Variants in ATXN7L3B observed in about 807,000 individuals in gnomAD.
ATXN7L3B encodes the protein ataxin 7 like 3B, also known as ataxin-7-like protein 3B.
ATXN7L3B carries 4 observed loss-of-function variants against 6.3 expected under a neutral mutation model. The observed-to-expected ratio is 0.63, with a 90% confidence interval of 0.31 to 1.45. The LOEUF (loss-of-function observed/expected upper bound fraction) is 1.45, where lower values mean the gene tolerates loss of function less well. Ranked by LOEUF, ATXN7L3B falls within the 40% of genes most tolerant of loss-of-function variation. The pLI, the probability that ATXN7L3B is intolerant of heterozygous loss-of-function variation, is 0.07. For missense variants in ATXN7L3B, 120 were observed against 118.5 expected (o/e 1.01, Z -0.06); for synonymous variants, 63 against 48.0 (o/e 1.31, Z -1.29).
Position 74,545,004 on chromosome 12 carries a change from A to G in ATXN7L3B, c.*6598A>G, listed in dbSNP as rs1331030583. ...GTTCAAAGAAATGCAAACTAAAAAC[A>G]AAATACCAATTTACCCTACTCAGTA... On this transcript the variant is annotated 3_prime_UTR_variant, in exon 1 of 1. Transcript: ENST00000519948. 1 of 152,100 alleles carries G rather than the reference A, an allele frequency of 6.6e-6. No individual in the cohort carries two copies. The highest frequency in any genetic ancestry group is 1.5e-5 in the Non-Finnish European group (1 of 67,922). 9.4% of individuals were successfully genotyped at this position (152,100 alleles called of 1,614,324 possible). A position where few individuals can be genotyped will look rare whatever the true frequency, so the allele number is the denominator to read the frequency against.
Position 74,543,834 on chromosome 12 carries a change from G to T in ATXN7L3B, c.*5428G>T, listed in dbSNP as rs1868956567. On this transcript the variant is annotated 3_prime_UTR_variant, in exon 1 of 1. Coordinates refer to ENST00000519948, the MANE Select transcript of ATXN7L3B (RefSeq NM_001136262.2). ...TAACAATATAGAAACCAAAGCTCAA[G>T]AACTTGTACACACTGCAAAAGGGTA... 2 of 151,806 alleles carry T rather than the reference G, an allele frequency of 1.3e-5. No individual in the cohort carries two copies. Among genetic ancestry groups the T allele is most frequent in the Non-Finnish European group, 2.9e-5 (2 of 67,812 alleles). 9.4% of individuals were successfully genotyped at this position (151,806 alleles called of 1,614,324 possible).
chr12:74,541,090 T>G lies in ATXN7L3B; in HGVS notation c.*2684T>G, dbSNP rs1295820195. On this transcript the variant is annotated 3_prime_UTR_variant, in exon 1 of 1. Transcript: ENST00000519948. ...GCAGAATTCCTATTTTTCCCTTGAT[T>G]ATGTGTATTGATCACCCTGCAATCC... 2 of 166,816 alleles carry G rather than the reference T, an allele frequency of 1.2e-5. No individual in the cohort carries two copies. The highest frequency in any genetic ancestry group is 4.8e-5 in the African/African-American group (2 of 41,306). The allele number at this position is 166,816 out of a possible 1,614,324, so 10.3% of individuals were successfully genotyped here.
rs1268751499 is a variant in ATXN7L3B, at chr12:74,539,160, G to A, written c.*754G>A. Reference sequence around the variant, plus strand: ...CAACTTGGTTGTCCAGACAGGTTGAGGATTCGGTTATGATCCCCTGGGGAG... The same window carrying A: ...CAACTTGGTTGTCCAGACAGGTTGAAGATTCGGTTATGATCCCCTGGGGAG... On this transcript the variant is annotated 3_prime_UTR_variant, in exon 1 of 1. Transcript: ENST00000519948. The A allele has an allele frequency of 6.0e-6, 1 of 167,186 alleles. No individual in the cohort carries two copies. Among genetic ancestry groups the A allele is most frequent in the African/African-American group, 2.4e-5 (1 of 41,460 alleles). 10.4% of individuals were successfully genotyped at this position (167,186 alleles called of 1,614,324 possible).
Position 74,541,460 on chromosome 12 carries a change from G to A in ATXN7L3B, c.*3054G>A, listed in dbSNP as rs76361407. 459 of 166,544 alleles carry A rather than the reference G, an allele frequency of 2.8e-3. 1 individual carries two copies. The highest frequency in any genetic ancestry group is 4.5e-3 in the Non-Finnish European group (306 of 68,100). The allele number at this position is 166,544 out of a possible 1,614,324, so 10.3% of individuals were successfully genotyped here. ...TAAAATTTTAAAAAATGACTACTTG[G>A]TCCTTGGACTCTGTATATTCATCTT... On this transcript the variant is annotated 3_prime_UTR_variant, in exon 1 of 1. Coordinates refer to ENST00000519948, the MANE Select transcript of ATXN7L3B (RefSeq NM_001136262.2).
rs1462852277 is a variant in ATXN7L3B at position 74,539,640 on chromosome 12, C to T, written c.*1234C>T. ...CGCTCGAAAGGGATAGTCCTTTCCA[C>T]TCGGTCCCCTTTGGATCTTCTTGAC... On this transcript the variant is annotated 3_prime_UTR_variant, in exon 1 of 1. Coordinates refer to ENST00000519948, the MANE Select transcript of ATXN7L3B (RefSeq NM_001136262.2). The T allele has an allele frequency of 6.0e-6, 1 of 167,110 alleles. No individual in the cohort carries two copies. Among genetic ancestry groups the T allele is most frequent in the African/African-American group, 2.4e-5 (1 of 41,442 alleles). The allele number at this position is 167,110 out of a possible 1,614,324, so 10.4% of individuals were successfully genotyped here.
Position 74,541,776 on chromosome 12 carries a change from A to C in ATXN7L3B, c.*3370A>C, listed in dbSNP as rs1868905917. On this transcript the variant is annotated 3_prime_UTR_variant, in exon 1 of 1. Coordinates refer to ENST00000519948, the MANE Select transcript of ATXN7L3B (RefSeq NM_001136262.2). ...ATTTGAATTGAACTCAATATATCTT[A>C]GTAAGTACATTTTACCATCATTTTA... 1 of 152,246 alleles carries C rather than the reference A, an allele frequency of 6.6e-6. No individual in the cohort carries two copies. The highest frequency in any genetic ancestry group is 2.1e-4 in the South Asian group (1 of 4,834). The allele number at this position is 152,246 out of a possible 1,614,324, so 9.4% of individuals were successfully genotyped here. A position where few individuals can be genotyped will look rare whatever the true frequency, so the allele number is the denominator to read the frequency against.
Position 74,541,809 on chromosome 12 carries a change from A to G in ATXN7L3B, c.*3403A>G, listed in dbSNP as rs2136589746. ...CATTTTACCATCATTTTAAGCTAATATCCTTGTTCTCAAAAGGTAAAGTGA... is the reference window on the plus strand; with the variant it reads ...CATTTTACCATCATTTTAAGCTAATGTCCTTGTTCTCAAAAGGTAAAGTGA... On this transcript the variant is annotated 3_prime_UTR_variant, in exon 1 of 1. Coordinates refer to ENST00000519948, the MANE Select transcript of ATXN7L3B (RefSeq NM_001136262.2). 1 of 152,216 alleles carries G rather than the reference A, an allele frequency of 6.6e-6. No homozygotes were observed. The highest frequency in any genetic ancestry group is 1.5e-5 in the Non-Finnish European group (1 of 68,042). 9.4% of individuals were successfully genotyped at this position (152,216 alleles called of 1,614,324 possible).
rs1191087205 is a variant in ATXN7L3B at position 74,545,395 on chromosome 12, A to G, written c.*6989A>G. The G allele has an allele frequency of 6.6e-6, 1 of 152,148 alleles. No individual in the cohort carries two copies. The highest frequency in any genetic ancestry group is 2.4e-5 in the African/African-American group (1 of 41,472). 9.4% of individuals were successfully genotyped at this position (152,148 alleles called of 1,614,324 possible). A position where few individuals can be genotyped will look rare whatever the true frequency, so the allele number is the denominator to read the frequency against. Reference sequence around the variant, plus strand: ...AATCAATGCTGTATGTTGTTTAAATAATTGTGAATATGAAATAAAAACTAT... The same window carrying G: ...AATCAATGCTGTATGTTGTTTAAATGATTGTGAATATGAAATAAAAACTAT... On this transcript the variant is annotated 3_prime_UTR_variant, in exon 1 of 1. Coordinates refer to ENST00000519948, the MANE Select transcript of ATXN7L3B (RefSeq NM_001136262.2).
chr12:74,539,646 C>T lies in ATXN7L3B; in HGVS notation c.*1240C>T, dbSNP rs1285859266. 3.6e-5 allele frequency: 6 copies of T among 167,084 alleles called. No homozygotes were observed. The highest frequency in any genetic ancestry group is 1.4e-4 in the African/African-American group (6 of 41,438). 10.4% of individuals were successfully genotyped at this position (167,084 alleles called of 1,614,324 possible). On this transcript the variant is annotated 3_prime_UTR_variant, in exon 1 of 1. Coordinates refer to ENST00000519948, the MANE Select transcript of ATXN7L3B (RefSeq NM_001136262.2). ...AAAGGGATAGTCCTTTCCACTCGGT[C>T]CCCTTTGGATCTTCTTGACAACAGG...
chr12:74,538,737 A>G lies in ATXN7L3B; in HGVS notation c.*331A>G. On this transcript the variant is annotated 3_prime_UTR_variant, in exon 1 of 1. Coordinates refer to ENST00000519948, the MANE Select transcript of ATXN7L3B (RefSeq NM_001136262.2). The stretch of plus-strand genomic sequence containing the variant: ...TGAGCAGTTGTGTGCCCAGCATATA[A>G]AATTTTTGGTTCCTCAGCCTTTCTG... 3.7e-6 allele frequency: 1 copy of G among 272,950 alleles called. No individual in the cohort carries two copies. Among genetic ancestry groups the G allele is most frequent in the Non-Finnish European group, 7.5e-6 (1 of 133,496 alleles). The allele number at this position is 272,950 out of a possible 1,614,324, so 16.9% of individuals were successfully genotyped here. A position where few individuals can be genotyped will look rare whatever the true frequency, so the allele number is the denominator to read the frequency against.
rs1249331957 is a variant in ATXN7L3B at position 74,544,807 on chromosome 12, A to G, written c.*6401A>G. The G allele has an allele frequency of 6.6e-6, 1 of 152,056 alleles. No homozygotes were observed. Among genetic ancestry groups the G allele is most frequent in the Non-Finnish European group, 1.5e-5 (1 of 67,886 alleles). 9.4% of individuals were successfully genotyped at this position (152,056 alleles called of 1,614,324 possible). On this transcript the variant is annotated 3_prime_UTR_variant, in exon 1 of 1. Coordinates refer to ENST00000519948, the MANE Select transcript of ATXN7L3B (RefSeq NM_001136262.2). ...AATAGAACTTTCTGTTCATTAAATC[A>G]TACTAGAAACAAACAAACCAATAAC...
At position 74,537,997 on chromosome 12, in the gene ATXN7L3B, G is replaced by A; in HGVS notation, c.-116G>A. Reference sequence around the variant, plus strand: ...TGCAGTTGCGGACGCCACCGACCCCGCCGCCGGAGGACTGGGCACTGAAAG... The same window carrying A: ...TGCAGTTGCGGACGCCACCGACCCCACCGCCGGAGGACTGGGCACTGAAAG... On this transcript the variant is annotated 5_prime_UTR_variant, in exon 1 of 1. Coordinates refer to ENST00000519948, the MANE Select transcript of ATXN7L3B (RefSeq NM_001136262.2). The A allele has an allele frequency of 1.0e-6, 1 of 980,042 alleles. No individual in the cohort carries two copies. Among genetic ancestry groups the A allele is most frequent in the South Asian group, 1.7e-5 (1 of 58,388 alleles). 60.7% of individuals were successfully genotyped at this position (980,042 alleles called of 1,614,324 possible).
At position 74,538,082 on chromosome 12, in the gene ATXN7L3B, G is replaced by T; in HGVS notation, c.-31G>T. ...CGTGTTGCTGCCGTGAGTAAAACGA[G>T]CGCCCTCTCCGCACTCGTTTACAAA... On this transcript the variant is annotated 5_prime_UTR_variant, in exon 1 of 1. Transcript: ENST00000519948. The T allele has an allele frequency of 6.5e-7, 1 of 1,543,550 alleles. No individual in the cohort carries two copies.
chr12:74,538,170 G>A lies in ATXN7L3B; in HGVS notation c.58G>A (p.Glu20Lys). Residue 20 changes from glutamate (E) to lysine (K), a missense_variant, in exon 1 of 1, where the codon GAG becomes AAG. By Grantham distance (56) the Glu-to-Lys change is moderately conservative (BLOSUM62 1). Coordinates refer to ENST00000519948, the MANE Select transcript of ATXN7L3B (RefSeq NM_001136262.2). ...TAACAAGCTAGAGGCCATCGCTCAGGAGATTTACGTAGACCTGATAGAGGA... is the reference window on the plus strand; with the variant it reads ...TAACAAGCTAGAGGCCATCGCTCAGAAGATTTACGTAGACCTGATAGAGGA... The part of the protein sequence containing the change: ...DTNKLEAIAQ[E>K]IYVDLIEDSC... 1 of 1,591,404 alleles carries A rather than the reference G, an allele frequency of 6.3e-7. No individual in the cohort carries two copies. The highest frequency in any genetic ancestry group is 8.6e-7 in the Non-Finnish European group (1 of 1,168,828).
At position 74,545,123 on chromosome 12, in the gene ATXN7L3B, A is replaced by G. The variant is rs1868990998; in HGVS notation, c.*6717A>G. 1 of 152,074 alleles carries G rather than the reference A, an allele frequency of 6.6e-6. No individual in the cohort carries two copies. The highest frequency in any genetic ancestry group is 1.5e-5 in the Non-Finnish European group (1 of 67,918). 9.4% of individuals were successfully genotyped at this position (152,074 alleles called of 1,614,324 possible). On this transcript the variant is annotated 3_prime_UTR_variant, in exon 1 of 1. Transcript: ENST00000519948. The stretch of plus-strand genomic sequence containing the variant: ...ACTGCTAGTAGGCTGTAAATTGGTA[A>G]AAAATGTTTTTAAAAGCAATTTAGA...
In ATXN7L3B at chr12:74,538,079, C is replaced by G. The variant is rs770729351; in HGVS notation, c.-34C>G. On this transcript the variant is annotated 5_prime_UTR_variant, in exon 1 of 1. Transcript: ENST00000519948. Reference sequence around the variant, plus strand: ...AGACGTGTTGCTGCCGTGAGTAAAACGAGCGCCCTCTCCGCACTCGTTTAC... The same window carrying G: ...AGACGTGTTGCTGCCGTGAGTAAAAGGAGCGCCCTCTCCGCACTCGTTTAC... 1.3e-5 allele frequency: 20 copies of G among 1,540,832 alleles called. No homozygotes were observed. In the South Asian group the frequency reaches 1.3e-4, roughly 10 times the overall value.
At position 74,538,371 on chromosome 12, in the gene ATXN7L3B, C is replaced by A. The variant is rs1235486032; in HGVS notation, c.259C>A (p.Gln87Lys). Reference sequence around the variant, plus strand: ...CGGAGAACCTGGGAATGGGCCTGATCAGCAGCTGCAGCGCTCACCTCCGGA... The same window carrying A: ...CGGAGAACCTGGGAATGGGCCTGATAAGCAGCTGCAGCGCTCACCTCCGGA... The part of the protein sequence containing the change: ...LPGEPGNGPD[Q>K]QLQRSPPEFQ The change falls in exon 1 of 1, where the codon CAG becomes AAG. Residue 87 changes from glutamine to lysine, a missense_variant. By Grantham distance (53) the Gln-to-Lys change is moderately conservative. Coordinates refer to ENST00000519948, the MANE Select transcript of ATXN7L3B (RefSeq NM_001136262.2). 1.3e-6 allele frequency: 2 copies of A among 1,551,730 alleles called. No homozygotes were observed. Among genetic ancestry groups the A allele is most frequent in the Admixed American group, 3.9e-5 (2 of 51,006 alleles).
chr12:74,537,975 A>T lies in ATXN7L3B; in HGVS notation c.-138A>T, dbSNP rs568376020. 9.6e-5 allele frequency: 66 copies of T among 688,006 alleles called. No homozygotes were observed. The South Asian group carries it at 1.2e-3, about 12-fold the overall frequency. 42.6% of individuals were successfully genotyped at this position (688,006 alleles called of 1,614,324 possible). A position where few individuals can be genotyped will look rare whatever the true frequency, so the allele number is the denominator to read the frequency against. On this transcript the variant is annotated 5_prime_UTR_variant, in exon 1 of 1. Coordinates refer to ENST00000519948, the MANE Select transcript of ATXN7L3B (RefSeq NM_001136262.2). Reference sequence around the variant, plus strand: ...CAGTCGCCCCTATCGCTGCTCCTGCAGTTGCGGACGCCACCGACCCCGCCG... The same window carrying T: ...CAGTCGCCCCTATCGCTGCTCCTGCTGTTGCGGACGCCACCGACCCCGCCG...
At position 74,538,713 on chromosome 12, in the gene ATXN7L3B, G is replaced by T; in HGVS notation, c.*307G>T. 2.8e-6 allele frequency: 1 copy of T among 356,540 alleles called. No homozygotes were observed. The allele number at this position is 356,540 out of a possible 1,614,324, so 22.1% of individuals were successfully genotyped here. A position where few individuals can be genotyped will look rare whatever the true frequency, so the allele number is the denominator to read the frequency against. On this transcript the variant is annotated 3_prime_UTR_variant, in exon 1 of 1. Transcript: ENST00000519948. ...CCTGTAGTGCCCCCAGTGCACAGGT[G>T]AGCAGTTGTGTGCCCAGCATATAAA... is the stretch of plus-strand genomic sequence containing the variant.
Sources: allele counts gnomAD v4.1 joint callset, GRCh38; gene constraint gnomAD v4.1.1; transcripts MANE v1.5; gene names NCBI Gene and HGNC (gene_info 2026-07-23, HGNC 2026-07-21).